DIAPH2: variants seen among roughly 807,000 people sequenced by gnomAD.
The protein encoded by DIAPH2 is diaphanous related formin 2, also known as protein diaphanous homolog 2.
Under a neutral mutation model 92.7 loss-of-function variants are expected in DIAPH2, and 35 were observed. The observed-to-expected ratio is 0.38, with a 90% CI of 0.29 to 0.50. The LOEUF is 0.50. Ranked by LOEUF, DIAPH2 falls within the 20% of genes least tolerant of loss-of-function variation. DIAPH2 has a pLI of 0.94. For missense variants in DIAPH2, 701 were observed against 819.5 expected, an observed-to-expected ratio of 0.86 and a Z score of 1.77; for synonymous variants, 301 against 280.4, an observed-to-expected ratio of 1.07 and a Z score of -0.73.
chrX:97,397,345 A>G (rs1051782802), intron 25 of DIAPH2, among the ~76,000 whole-genome samples: 4 of 65,691 alleles, frequency 6.1e-5, no homozygotes, highest in African/African-American at 2.1e-4. Flanking sequence ...ACTGGAATCT[A>G]CTTTAAATGT....
chrX:96,784,190 G>A (rs1268732201), intron 4 of DIAPH2, among the ~76,000 whole-genome samples: 1 of 112,080 alleles, frequency 8.9e-6, no homozygotes, highest in Non-Finnish European at 1.9e-5. Flanking sequence ...GACAAAGACA[G>A]ATTACATAAT....
At chrX:97,211,792 T>C (rs896399225) in intron 22 of DIAPH2, among the ~76,000 whole-genome samples, 1 of 111,909 alleles carries the variant, frequency 8.9e-6, no homozygotes, top group Non-Finnish European at 1.9e-5. Context: ...AAATCAGTAG[T>C]GTCATCTAGC....
intron 22 of DIAPH2, among the ~76,000 whole-genome samples, chrX:97,153,805 G>A (rs1326335782): frequency 9.0e-6 from 1 of 110,863 alleles, no homozygotes; most frequent in African/African-American, 3.3e-5. Context: ...AAGAATCATT[G>A]TCCCCCATTT....
At chrX:96,988,964 T>C (rs2066049825) in intron 17 of DIAPH2, among the ~76,000 whole-genome samples, 1 of 110,777 alleles carries the variant, frequency 9.0e-6, no homozygotes, top group South Asian at 3.9e-4. Flanking sequence ...TTTATATTCT[T>C]TGTGTGTCCG....
At chrX:96,689,678 A>T (rs1236864883) in intron 1 of DIAPH2, among the ~76,000 whole-genome samples, 2 of 110,485 alleles carry the variant, frequency 1.8e-5, no homozygotes, top group Non-Finnish European at 3.8e-5. Flanking sequence ...TCATGTCTCA[A>T]TATTCTCTCA....
intron 23 of DIAPH2, among the ~76,000 whole-genome samples, chrX:97,284,021 G>A (rs770005188): frequency 3.6e-5 from 4 of 112,265 alleles, no homozygotes; most frequent in African/African-American, 6.5e-5. Context: ...AGATGCAATC[G>A]TAGGCTGAAC....
chrX:96,942,234 C>T, intron 13 of DIAPH2, 98 bp downstream of exon 13: 1 of 518,261 alleles, frequency 1.9e-6, no homozygotes, highest in Non-Finnish European at 3.4e-6. Flanking sequence ...AGCTTCAGTT[C>T]TTACTGAACT....
intron 3 of DIAPH2, among the ~76,000 whole-genome samples, chrX:96,755,535 C>T (rs1057038603): frequency 1.9e-4 from 21 of 110,481 alleles, no homozygotes; most frequent in Middle Eastern, 4.6e-3. Flanking sequence ...CGCCTGTAGT[C>T]CCAGCTACTC....
At chrX:97,506,593 C>T (rs996408747) in intron 26 of DIAPH2, among the ~76,000 whole-genome samples, 2 of 109,713 alleles carry the variant, frequency 1.8e-5, no homozygotes, top group African/African-American at 6.6e-5. Flanking sequence ...TCCAAAATTG[C>T]CCCTCTAATT....
At chrX:96,876,681 G>T (rs887401559) in intron 4 of DIAPH2, among the ~76,000 whole-genome samples, 1 of 108,123 alleles carries the variant, frequency 9.2e-6, no homozygotes, top group Non-Finnish European at 1.9e-5. Context: ...AACATCGCAT[G>T]TTCTCACTCA....
chrX:97,136,006 TG>T (rs2067168183), intron 21 of DIAPH2, among the ~76,000 whole-genome samples: 1 of 112,046 alleles, frequency 8.9e-6, no homozygotes, highest in Non-Finnish European at 1.9e-5. Flanking sequence ...TTCACCCATT[TG>T]TGCAGTCAAC....
chrX:97,434,471 C>T (rs948273471), intron 26 of DIAPH2, among the ~76,000 whole-genome samples: 3 of 104,044 alleles, frequency 2.9e-5, no homozygotes, highest in Non-Finnish European at 5.8e-5. Flanking sequence ...TGCAGTGGTG[C>T]GATCTCCGCT....
chrX:97,429,626 AT>A (rs1459567891), intron 25 of DIAPH2, 23 bp from the exon 26 acceptor site: 1 of 1,197,772 alleles, frequency 8.3e-7, no homozygotes, highest in South Asian at 1.9e-5. Context: ...TCCAAGATTA[AT>A]TCTGATTTCT....
At chrX:97,282,751 G>A (rs1339301012) in intron 23 of DIAPH2, among the ~76,000 whole-genome samples, 2 of 111,822 alleles carry the variant, frequency 1.8e-5, no homozygotes, top group African/African-American at 6.5e-5. Context: ...TCTACCTGAG[G>A]CATGATGTAA....
intron 24 of DIAPH2, among the ~76,000 whole-genome samples, chrX:97,363,520 G>A (rs1409540412): frequency 1.9e-5 from 2 of 106,958 alleles, no homozygotes; most frequent in Non-Finnish European, 3.9e-5. Context: ...AAAAAAATTA[G>A]CGTGGCATTG....
intron 26 of DIAPH2, among the ~76,000 whole-genome samples, chrX:97,489,518 A>G (rs753927255): frequency 1.5e-4 from 17 of 110,648 alleles, no homozygotes; most frequent in Non-Finnish European, 3.0e-4. Context: ...CCATTTCCTG[A>G]TATGAGAAGA....
chrX:97,589,501 C>G (rs762473511), intron 26 of DIAPH2, among the ~76,000 whole-genome samples: 3 of 109,975 alleles, frequency 2.7e-5, no homozygotes, highest in African/African-American at 9.9e-5. Context: ...CTCTTTTTAT[C>G]AAGTACATGT....
At chrX:97,284,437 C>T (rs1268208332) in intron 23 of DIAPH2, among the ~76,000 whole-genome samples, 3 of 110,015 alleles carry the variant, frequency 2.7e-5, no homozygotes, top group Non-Finnish European at 5.7e-5. Context: ...ATGGAGAAAC[C>T]CTGTCTTTAC....
At chrX:96,803,953 C>T (rs1168434394) in intron 4 of DIAPH2, among the ~76,000 whole-genome samples, 1 of 111,585 alleles carries the variant, frequency 9.0e-6, no homozygotes, top group Non-Finnish European at 1.9e-5. Flanking sequence ...GCAGGAGAAT[C>T]GCTTGAACCC....
Sources: allele counts gnomAD v4.1 joint callset (sites outside exome capture counted in the v4.1 genomes callset), GRCh38; gene constraint gnomAD v4.1.1; transcripts MANE v1.5; gene names NCBI Gene and HGNC (gene_info 2026-07-23, HGNC 2026-07-21).